EVI5L: variants seen among roughly 807,000 people sequenced by gnomAD.
EVI5L encodes the protein ecotropic viral integration site 5 like.
EVI5L carries 30 observed loss-of-function variants against 106.1 expected under a neutral mutation model. That is an observed-to-expected ratio of 0.28 (90% CI 0.21 to 0.38). The LOEUF is 0.38. Ranked by LOEUF, EVI5L falls within the 10% of genes least tolerant of loss-of-function variation. The pLI is 1.00. For synonymous variants in EVI5L, 489 were observed against 483.3 expected, an observed-to-expected ratio of 1.01 and a Z score of -0.15; for missense variants, 809 against 1,098.0, an observed-to-expected ratio of 0.74 and a Z score of 3.72.
rs932081262 is a variant in EVI5L at position 7,845,462 on chromosome 19, G to A, written c.-47-1034G>A. ...GGCTCCAGGATGGACAGTGATAGCCGATGTCCGTGGGGCCATCACTGAGTG... is the reference window on the plus strand; with the variant it reads ...GGCTCCAGGATGGACAGTGATAGCCAATGTCCGTGGGGCCATCACTGAGTG... On this transcript the variant is annotated intron_variant, in intron 1 of 19. Coordinates refer to ENST00000538904, the MANE Select transcript of EVI5L (RefSeq NM_001159944.3). This position sits in a 1 kb window ranked among gnomAD's most constrained non-coding sequence, Gnocchi z 4.0. Among the ~76,000 whole-genome samples the A allele has an allele frequency of 8.5e-5, 13 of 152,200 alleles. No individual in the cohort carries two copies. The highest frequency in any genetic ancestry group is 2.1e-4 in the South Asian group (1 of 4,834).
intron 10 of EVI5L, 78 bp from the exon 11 acceptor site, chr19:7,855,937 C>T (rs1033079197): frequency 3.4e-5 from 43 of 1,259,626 alleles, no homozygotes; most frequent in Non-Finnish European, 3.9e-5. Context: ...GGACTGACCC[C>T]GGCAGTGGGT....
rs1278953439 is a variant in EVI5L, at chr19:7,858,676, T to A, written c.1374+345T>A. 3.5e-6 allele frequency: 1 copy of A among 288,092 alleles called. No individual in the cohort carries two copies. Among genetic ancestry groups the A allele is most frequent in the East Asian group, 7.9e-5 (1 of 12,630 alleles). 17.8% of individuals were successfully genotyped at this position (288,092 alleles called of 1,614,324 possible). On this transcript the variant is annotated intron_variant, in intron 13 of 19. Transcript: ENST00000538904. This position sits in a 1 kb window ranked among gnomAD's most constrained non-coding sequence, Gnocchi z 5.7. The stretch of plus-strand genomic sequence containing the variant: ...GGGCTGTGACTCCTTACGGAGGCTC[T>A]TGCCTGTCCCCAGGGTCTGAAGGAT...
intron 1 of EVI5L, among the ~76,000 whole-genome samples, chr19:7,841,969 G>C (rs1978620302): frequency 6.6e-6 from 1 of 152,218 alleles, no homozygotes; most frequent in Admixed American, 6.5e-5. Context: ...CTGTTCCCAG[G>C]GGGTGAGCGC....
chr19:7,836,635 A>T (rs1196970145), intron 1 of EVI5L, among the ~76,000 whole-genome samples: 1 of 150,534 alleles, frequency 6.6e-6, no homozygotes, highest in Non-Finnish European at 1.5e-5. Flanking sequence ...TTCTATTTTT[A>T]TTTTTTTCAT....
chr19:7,849,656 TG>T (rs1374817420), intron 5 of EVI5L, among the ~76,000 whole-genome samples: 1 of 152,054 alleles, frequency 6.6e-6, no homozygotes, highest in Non-Finnish European at 1.5e-5. Context: ...TTATGGGGCT[TG>T]GGGGTCTCCT....
chr19:7,863,039 G>C lies in EVI5L; in HGVS notation c.2015G>C (p.Arg672Pro). 1 of 1,574,730 alleles carries C rather than the reference G, an allele frequency of 6.4e-7. No individual in the cohort carries two copies. Reference sequence around the variant, plus strand: ...AGCATGGCTGCGGTGGCCGAGATGCGGCAGCGCATTGCCGAGCTGGAGATC... The same window carrying C: ...AGCATGGCTGCGGTGGCCGAGATGCCGCAGCGCATTGCCGAGCTGGAGATC... ...ADSMAAVAEM[R>P]QRIAELEIQR... The change falls in exon 18 of 20, where the codon CGG (arginine) becomes CCG (proline). Residue 672 changes from arginine to proline, a missense_variant. Arg to Pro is a moderately radical substitution (Grantham distance 103, BLOSUM62 -2). Transcript: ENST00000538904. This position sits in a 1 kb window ranked among gnomAD's most constrained non-coding sequence, Gnocchi z 7.7.
Position 7,843,274 on chromosome 19 carries a change from A to G in EVI5L, c.-47-3222A>G, listed in dbSNP as rs1355695015. Among the ~76,000 whole-genome samples, 3 of 120,004 alleles carry G rather than the reference A, an allele frequency of 2.5e-5. No homozygotes were observed. In the Admixed American group the frequency reaches 2.7e-4, roughly 11 times the overall value. 78.7% of individuals were successfully genotyped at this position (120,004 alleles called of 152,430 possible). On this transcript the variant is annotated intron_variant, in intron 1 of 19. Coordinates refer to ENST00000538904, the MANE Select transcript of EVI5L (RefSeq NM_001159944.3). Reference sequence around the variant, plus strand: ...TGTATAGGTGTGTGTGAGAATAGGCATGGGTGTGTGTGTCATGTGTGCATG... The same window carrying G: ...TGTATAGGTGTGTGTGAGAATAGGCGTGGGTGTGTGTGTCATGTGTGCATG...
rs1195376115 is a variant in EVI5L at position 7,864,026 on chromosome 19, A to ACT, written c.*324_*325insCT. ...AGAGGGCAGGGGACAGACGACCCAG[A>ACT]GGTCCCAGCACTGAATGAGCAGGCA... On this transcript the variant is annotated 3_prime_UTR_variant, in exon 20 of 20. Coordinates refer to ENST00000538904, the MANE Select transcript of EVI5L (RefSeq NM_001159944.3). This position sits in a 1 kb window ranked among gnomAD's most constrained non-coding sequence, Gnocchi z 4.5. 1 of 328,040 alleles carries ACT rather than the reference A, an allele frequency of 3.0e-6. No individual in the cohort carries two copies. Among genetic ancestry groups the ACT allele is most frequent in the Non-Finnish European group, 5.6e-6 (1 of 180,132 alleles). 20.3% of individuals were successfully genotyped at this position (328,040 alleles called of 1,614,324 possible).
chr19:7,861,779 G>A, intron 14 of EVI5L, 99 bp from the exon 15 acceptor site: 4 of 1,475,652 alleles, frequency 2.7e-6, no homozygotes, highest in South Asian at 1.3e-5. Context: ...GCCGCCCAAG[G>A]CAGAGCTCAG....
chr19:7,849,955 G>T (rs757495280), intron 5 of EVI5L, 42 bp from the exon 6 acceptor site: 3 of 1,521,606 alleles, frequency 2.0e-6, no homozygotes, highest in Non-Finnish European at 1.8e-6. Context: ...GCCCCTCCCC[G>T]CTGCGCTGCC....
At position 7,856,962 on chromosome 19, in the gene EVI5L, C is replaced by T. The variant is rs1372647012; in HGVS notation, c.1201-130C>T. On this transcript the variant is annotated intron_variant, in intron 11 of 19. Coordinates refer to ENST00000538904, the MANE Select transcript of EVI5L (RefSeq NM_001159944.3). This position sits in a 1 kb window ranked among gnomAD's most constrained non-coding sequence, Gnocchi z 6.6. ...TGCTGGTTCTCTGGTCTTCCCTCCT[C>T]TCTCCCCCGCTTCTAGAGATAGTCC... 4 of 950,376 alleles carry T rather than the reference C, an allele frequency of 4.2e-6. No homozygotes were observed. The highest frequency in any genetic ancestry group is 3.2e-5 in the African/African-American group (2 of 61,760). The allele number at this position is 950,376 out of a possible 1,614,324, so 58.9% of individuals were successfully genotyped here. A position where few individuals can be genotyped will look rare whatever the true frequency, so the allele number is the denominator to read the frequency against.
chr19:7,853,530 C>T lies in EVI5L; in HGVS notation c.1146+197C>T, dbSNP rs968164142. 18 of 692,668 alleles carry T rather than the reference C, an allele frequency of 2.6e-5. No homozygotes were observed. In the Middle Eastern group the frequency reaches 2.0e-3, roughly 77 times the overall value. 42.9% of individuals were successfully genotyped at this position (692,668 alleles called of 1,614,324 possible). On this transcript the variant is annotated intron_variant, in intron 10 of 19. Transcript: ENST00000538904. ...AGCTGTGAGCGCCTCCCCCGCCTGACGCCGCGGTAACCAAGACAGTCAAGG... is the reference window on the plus strand; with the variant it reads ...AGCTGTGAGCGCCTCCCCCGCCTGATGCCGCGGTAACCAAGACAGTCAAGG...
At chr19:7,844,256 CG>C (rs1322360194) in intron 1 of EVI5L, among the ~76,000 whole-genome samples, 1 of 149,396 alleles carries the variant, frequency 6.7e-6, no homozygotes, top group Non-Finnish European at 1.5e-5. Flanking sequence ...CGCGTGAACC[CG>C]GGAGGTAGAG....
rs573288813 is a variant in EVI5L at position 7,835,285 on chromosome 19, A to G, written c.-48+4904A>G. Among the ~76,000 whole-genome samples the G allele has an allele frequency of 1.3e-5, 2 of 152,294 alleles. No individual in the cohort carries two copies. The highest frequency in any genetic ancestry group is 1.9e-4 in the East Asian group (1 of 5,186). On this transcript the variant is annotated intron_variant, in intron 1 of 19. Transcript: ENST00000538904. The surrounding 1 kb of genome is among the most constrained non-coding windows in gnomAD (Gnocchi z 4.1). ...TACTTTGGGAGGCTGAGGCGGGTGC[A>G]TCACCTGAGGTCAGGAGTTCGAGAC...
chr19:7,849,429 G>C (rs950266787), intron 5 of EVI5L, 99 bp downstream of exon 5: 1 of 1,292,618 alleles, frequency 7.7e-7, no homozygotes, highest in African/African-American at 1.5e-5. Flanking sequence ...TCCACCCAGC[G>C]TCTTGCTAGG....
Position 7,863,666 on chromosome 19 carries a change from G to T in EVI5L, c.2382G>T (p.Glu794Asp). 1 of 1,533,220 alleles carries T rather than the reference G, an allele frequency of 6.5e-7. No homozygotes were observed. The highest frequency in any genetic ancestry group is 2.5e-5 in the East Asian group (1 of 40,378). 95.0% of individuals were successfully genotyped at this position (1,533,220 alleles called of 1,614,324 possible). A position where few individuals can be genotyped will look rare whatever the true frequency, so the allele number is the denominator to read the frequency against. ...GCAGCTCAGACAGCGACGCCGATGA[G>T]CTGGCCGCGCCCTACAGCCAGGGTC... ...SEGSSDSDAD[E>D]LAAPYSQGLD... The change falls in exon 20 of 20, where the codon GAG becomes GAT. Residue 794 changes from glutamate to aspartate, a missense_variant. Around this residue, in one of 2 missense-constraint regions of EVI5L, gnomAD observed 452 missense variants for 509.9 expected, o/e 0.89. Transcript: ENST00000538904. The surrounding 1 kb of genome is among the most constrained non-coding windows in gnomAD (Gnocchi z 7.7).
In EVI5L at chr19:7,862,031, T is replaced by G; in HGVS notation, c.1644+13T>G. 1.3e-6 allele frequency: 2 copies of G among 1,541,902 alleles called. No homozygotes were observed. Among genetic ancestry groups the G allele is most frequent in the Non-Finnish European group, 1.7e-6 (2 of 1,143,570 alleles). The stretch of plus-strand genomic sequence containing the variant: ...GGACACCTGGCAGGTGAGGGCCGGG[T>G]GGGCGCCGGCGGGCAGAGCGCCCCC... On this transcript the variant is annotated intron_variant, in intron 15 of 19. Coordinates refer to ENST00000538904, the MANE Select transcript of EVI5L (RefSeq NM_001159944.3).
In EVI5L at chr19:7,863,329, G is replaced by T; in HGVS notation, c.2139+49G>T. ...GGACAGGCCTGGGTGTCGTCGGCCT[G>T]GGACGAGCCGAGCGCAGGTGCCTTG... On this transcript the variant is annotated intron_variant, in intron 19 of 19. Coordinates refer to ENST00000538904, the MANE Select transcript of EVI5L (RefSeq NM_001159944.3). This position sits in a 1 kb window ranked among gnomAD's most constrained non-coding sequence, Gnocchi z 7.7. The T allele has an allele frequency of 6.5e-7, 1 of 1,547,512 alleles. No homozygotes were observed. Among genetic ancestry groups the T allele is most frequent in the East Asian group, 2.4e-5 (1 of 40,864 alleles).
intron 1 of EVI5L, among the ~76,000 whole-genome samples, chr19:7,839,318 T>C (rs950001486): frequency 1.4e-5 from 2 of 146,486 alleles, no homozygotes; most frequent in Non-Finnish European, 3.0e-5. Flanking sequence ...AAAAAAAAAA[T>C]CCAAACCGGG....
Sources: allele counts gnomAD v4.1 joint callset (sites outside exome capture counted in the v4.1 genomes callset), GRCh38; gene constraint gnomAD v4.1.1; regional missense constraint gnomAD v4.1.1; non-coding constraint Gnocchi (gnomAD v3.1); transcripts MANE v1.5; gene names NCBI Gene and HGNC (gene_info 2026-07-23, HGNC 2026-07-21).